Variants in NAA15 observed in about 807,000 individuals in gnomAD.
NAA15 encodes N-terminal acetyltransferase.
In NAA15, 34 loss-of-function variants were observed where a neutral mutation model predicts 114.0. That is an observed-to-expected ratio of 0.30 (90% CI 0.23 to 0.40). NAA15 has a LOEUF of 0.40. NAA15 is among the 10% of genes least tolerant of loss of function. The pLI, the probability that NAA15 is intolerant of heterozygous loss-of-function variation, is 1.00. For synonymous variants in NAA15, 340 were observed against 338.0 expected (o/e 1.01, Z -0.06); for missense variants, 658 against 1,004.5 (o/e 0.66, Z 4.66).
chr4:139,324,248 G>A (rs1746715636), intron 1 of NAA15, among the ~76,000 whole-genome samples: 1 of 152,194 alleles, frequency 6.6e-6, no homozygotes, highest in Admixed American at 6.5e-5. Context: ...AATTTTAAAT[G>A]TTAATTCCTG....
chr4:139,370,821 G>A (rs1012054233), intron 15 of NAA15, among the ~76,000 whole-genome samples: 1 of 152,164 alleles, frequency 6.6e-6, no homozygotes, highest in Admixed American at 6.5e-5. Context: ...CTGTTACAGT[G>A]GTAACATGCA....
intron 18 of NAA15, among the ~76,000 whole-genome samples, chr4:139,385,310 A>T (rs28719101): frequency 1.8e-4 from 17 of 96,058 alleles, no homozygotes; most frequent in African/African-American, 6.6e-4. Flanking sequence ...AATATATATT[A>T]TATATATATG....
At position 139,307,141 on chromosome 4, in the gene NAA15, G is replaced by T. The variant is rs998820180; in HGVS notation, c.54+5310G>T. On this transcript the variant is annotated intron_variant, in intron 1 of 19. Transcript: ENST00000296543. ...TGTCACTATTTGCCAGGTAAAATGA[G>T]AAATCTACCATTTGCCAGGCTCTGC... Among the ~76,000 whole-genome samples, 4 of 152,222 alleles carry T rather than the reference G, an allele frequency of 2.6e-5. No individual in the cohort carries two copies. The South Asian group carries it at 8.3e-4, about 32-fold the overall frequency.
chr4:139,374,021 G>A (rs1257618704), intron 15 of NAA15, among the ~76,000 whole-genome samples: 1 of 151,812 alleles, frequency 6.6e-6, no homozygotes, highest in African/African-American at 2.4e-5. Flanking sequence ...TTTTTTTCCT[G>A]TTGTATATAT....
intron 14 of NAA15, among the ~76,000 whole-genome samples, chr4:139,367,784 T>C (rs1748324528): frequency 6.6e-6 from 1 of 152,210 alleles, no homozygotes; most frequent in Non-Finnish European, 1.5e-5. Flanking sequence ...ATCAAGCCCC[T>C]GTCTCTTTTC....
chr4:139,308,162 C>T (rs796137253), intron 1 of NAA15, among the ~76,000 whole-genome samples: 10 of 152,068 alleles, frequency 6.6e-5, no homozygotes, highest in Admixed American at 2.0e-4. Context: ...GGGGTTTCAC[C>T]GTGTTAGCCA....
chr4:139,375,132 C>T (rs1349451857), intron 15 of NAA15, among the ~76,000 whole-genome samples: 1 of 152,140 alleles, frequency 6.6e-6, no homozygotes, highest in Non-Finnish European at 1.5e-5. Context: ...CTGTTTCTCC[C>T]CTTGTACCAG....
At chr4:139,372,403 G>A (rs1277233752) in intron 15 of NAA15, among the ~76,000 whole-genome samples, 1 of 152,200 alleles carries the variant, frequency 6.6e-6, no homozygotes, top group Admixed American at 6.5e-5. Flanking sequence ...AGCCATGATT[G>A]TAGAGTCTGA....
At position 139,301,579 on chromosome 4, in the gene NAA15, C is replaced by A. The variant is rs1244951380; in HGVS notation, c.-199C>A. On this transcript the variant is annotated 5_prime_UTR_variant, in exon 1 of 20. Transcript: ENST00000296543. Reference sequence around the variant, plus strand: ...CCCGTAGTGGGGGAGGCGGCGGCAGCGTTAAGTGAGAAAGGAAAAAAGACA... The same window carrying A: ...CCCGTAGTGGGGGAGGCGGCGGCAGAGTTAAGTGAGAAAGGAAAAAAGACA... 1.6e-6 allele frequency: 1 copy of A among 614,006 alleles called. No homozygotes were observed. 38.0% of individuals were successfully genotyped at this position (614,006 alleles called of 1,614,324 possible).
At chr4:139,316,697 A>G (rs1472400863) in intron 1 of NAA15, among the ~76,000 whole-genome samples, 1 of 151,874 alleles carries the variant, frequency 6.6e-6, no homozygotes, top group Admixed American at 6.6e-5. Flanking sequence ...TGTTTGTGCC[A>G]GATTTTATTG....
intron 16 of NAA15, among the ~76,000 whole-genome samples, chr4:139,377,299 G>A (rs1748616784): frequency 6.6e-6 from 1 of 152,154 alleles, no homozygotes; most frequent in Non-Finnish European, 1.5e-5. Flanking sequence ...CATTTTGGGA[G>A]GCCGAGGCAG....
Position 139,340,930 on chromosome 4 carries a change from T to G in NAA15, c.263T>G (p.Leu88Arg). 1 of 1,583,954 alleles carries G rather than the reference T, an allele frequency of 6.3e-7. No individual in the cohort carries two copies. Among genetic ancestry groups the G allele is most frequent in the Non-Finnish European group, 8.6e-7 (1 of 1,168,466 alleles). ...KSHVCWHVYG[L>R]LQRSDKKYDE... Reference sequence around the variant, plus strand: ...TCTTTAGGTTGGCACGTTTATGGCCTTCTTCAGAGGTCAGACAAGAAGTAT... The same window carrying G: ...TCTTTAGGTTGGCACGTTTATGGCCGTCTTCAGAGGTCAGACAAGAAGTAT... Residue 88 changes from leucine to arginine, a missense_variant, in exon 4 of 20, where the codon CTT (leucine) becomes CGT (arginine). By Grantham distance (102) the Leu-to-Arg change is moderately radical. Around this residue, in one of 6 missense-constraint regions of NAA15, gnomAD observed 75 missense variants for 172.3 expected, o/e 0.44. Transcript: ENST00000296543.
chr4:139,310,058 G>T (rs1418019346), intron 1 of NAA15, among the ~76,000 whole-genome samples: 3 of 152,042 alleles, frequency 2.0e-5, no homozygotes, highest in Non-Finnish European at 2.9e-5. Flanking sequence ...TCAACTGAAG[G>T]GATCCCTCTC....
intron 1 of NAA15, among the ~76,000 whole-genome samples, chr4:139,313,094 C>T (rs1199943179): frequency 1.3e-5 from 2 of 151,760 alleles, no homozygotes; most frequent in Non-Finnish European, 2.9e-5. Context: ...TGTAAACATT[C>T]CTGAGTGGCA....
chr4:139,339,050 A>G (rs560135792), intron 3 of NAA15, among the ~76,000 whole-genome samples: 2 of 151,968 alleles, frequency 1.3e-5, no homozygotes, highest in South Asian at 4.2e-4. Context: ...ACTTGAAGTG[A>G]TCCACCTACC....
At position 139,349,580 on chromosome 4, in the gene NAA15, A is replaced by AGGT. The variant is rs1239968997; in HGVS notation, c.811_811+2dup. The AGGT allele has an allele frequency of 6.3e-7, 1 of 1,598,800 alleles. No individual in the cohort carries two copies. Among genetic ancestry groups the AGGT allele is most frequent in the Non-Finnish European group, 8.5e-7 (1 of 1,176,352 alleles). ...AAGGCTTGGAAAAAGCACTCAAGCC[A>AGGT]GGTAGTATTGTTTAAAACTTACTAA... On this transcript the variant is annotated inframe_insertion and splice_region_variant, in exon 7 of 20. Transcript: ENST00000296543.
intron 1 of NAA15, among the ~76,000 whole-genome samples, chr4:139,325,092 T>G (rs1286765722): frequency 6.7e-6 from 1 of 149,336 alleles, no homozygotes; most frequent in African/African-American, 2.5e-5. Flanking sequence ...TGCTGTAATG[T>G]AAACATATCT....
rs1328994953 is a variant in NAA15 at position 139,334,164 on chromosome 4, G to T, written c.55-10G>T. On this transcript the variant is annotated splice_polypyrimidine_tract_variant and intron_variant, in intron 1 of 19. Coordinates refer to ENST00000296543, the MANE Select transcript of NAA15 (RefSeq NM_057175.5). ...TGCTAAACTTAAATTTTTCTTTTTTGTTTTGACAGAGGTGTTATGAACATA... is the reference window on the plus strand; with the variant it reads ...TGCTAAACTTAAATTTTTCTTTTTTTTTTTGACAGAGGTGTTATGAACATA... 1 of 1,556,662 alleles carries T rather than the reference G, an allele frequency of 6.4e-7. No homozygotes were observed. Among genetic ancestry groups the T allele is most frequent in the Non-Finnish European group, 8.7e-7 (1 of 1,152,438 alleles).
Position 139,389,949 on chromosome 4 carries a change from A to G in NAA15, c.*1865A>G, listed in dbSNP as rs1439615716. ...CTCAGGAACATCTTAACAGATGGCAAAAAAACAAAAACTTTTTTTCAACTC... is the reference window on the plus strand; with the variant it reads ...CTCAGGAACATCTTAACAGATGGCAGAAAAACAAAAACTTTTTTTCAACTC... On this transcript the variant is annotated 3_prime_UTR_variant, in exon 20 of 20. Coordinates refer to ENST00000296543, the MANE Select transcript of NAA15 (RefSeq NM_057175.5). The G allele has an allele frequency of 6.6e-6, 1 of 152,624 alleles. No individual in the cohort carries two copies. Among genetic ancestry groups the G allele is most frequent in the Non-Finnish European group, 1.5e-5 (1 of 68,034 alleles). 9.5% of individuals were successfully genotyped at this position (152,624 alleles called of 1,614,324 possible). A position where few individuals can be genotyped will look rare whatever the true frequency, so the allele number is the denominator to read the frequency against.
Sources: gnomAD v4.1 joint callset for allele counts (sites outside exome capture counted in the v4.1 genomes callset) on GRCh38, gnomAD v4.1.1 for gene constraint, gnomAD v4.1.1 regional missense constraint, MANE v1.5 for transcripts, NCBI Gene and HGNC (gene_info 2026-07-23, HGNC 2026-07-21) for gene names.